The following RARA variants were observed in gnomAD, a reference collection of about 807,000 sequenced individuals.
RARA encodes the protein retinoic acid receptor alpha, also known as PML-DDX5-RARA fusion.
RARA carries 5 observed loss-of-function variants against 42.8 expected under a neutral mutation model. That is an observed-to-expected ratio of 0.12 (90% confidence interval 0.06 to 0.25). RARA has a LOEUF of 0.25. RARA is among the 10% of genes least tolerant of loss of function. The probability of loss-of-function intolerance (pLI) is 1.00; values close to 1 mark genes in which losing one functional copy is unlikely to be tolerated. For missense variants in RARA, 402 were observed against 628.7 expected, an observed-to-expected ratio of 0.64 and a Z score of 3.86; for synonymous variants, 256 against 259.5, an observed-to-expected ratio of 0.99 and a Z score of 0.13.
At chr17:40,349,738 C>G in intron 3 of RARA, 46 bp from the exon 4 acceptor site, 1 of 1,609,512 alleles carries the variant, frequency 6.2e-7, no homozygotes. Flanking sequence ...AGGCACTGCT[C>G]CCACTGTGGG....
chr17:40,356,607 T>G lies in RARA; in HGVS notation c.*381T>G. On this transcript the variant is annotated 3_prime_UTR_variant, in exon 9 of 9. Coordinates refer to ENST00000254066, the MANE Select transcript of RARA (RefSeq NM_000964.4). ...CCCATCCTCAGAACTCACAAGCCAT[T>G]GCTCCCCAGCTGGGGAACCTCAACC... 1.9e-6 allele frequency: 1 copy of G among 533,560 alleles called. No individual in the cohort carries two copies. Among genetic ancestry groups the G allele is most frequent in the Non-Finnish European group, 3.6e-6 (1 of 276,424 alleles). The allele number at this position is 533,560 out of a possible 1,614,324, so 33.1% of individuals were successfully genotyped here. A position where few individuals can be genotyped will look rare whatever the true frequency, so the allele number is the denominator to read the frequency against.
chr17:40,316,945 C>T (rs931832863), intron 1 of RARA, among the ~76,000 whole-genome samples: 1 of 152,200 alleles, frequency 6.6e-6, no homozygotes, highest in Admixed American at 6.5e-5. Flanking sequence ...GTTTCCCGTG[C>T]GCCGGCCCTC....
At chr17:40,329,409 C>T (rs959207405) in intron 1 of RARA, among the ~76,000 whole-genome samples, 3 of 152,108 alleles carry the variant, frequency 2.0e-5, no homozygotes, top group Non-Finnish European at 2.9e-5. Flanking sequence ...CTGGTTCAAG[C>T]GATTCTCCTG....
At chr17:40,338,737 C>T (rs188950161) in intron 2 of RARA, among the ~76,000 whole-genome samples, 1,612 of 147,312 alleles carry the variant, frequency 0.011, 34 homozygotes, top group African/African-American at 0.039. Context: ...AGCGTGGGCA[C>T]GGTGGCTCAT....
At chr17:40,334,703 C>T (rs1294323892) in intron 2 of RARA, among the ~76,000 whole-genome samples, 1 of 152,170 alleles carries the variant, frequency 6.6e-6, no homozygotes, top group African/African-American at 2.4e-5. Context: ...CTGCCCATAC[C>T]CTTTTTGTAG....
intron 2 of RARA, among the ~76,000 whole-genome samples, chr17:40,338,090 G>A (rs1287273023): frequency 6.6e-6 from 1 of 152,254 alleles, no homozygotes; most frequent in Non-Finnish European, 1.5e-5. Context: ...CAAGATCCCA[G>A]CATAGACGCG....
Position 40,355,303 on chromosome 17 carries a change from G to T in RARA, c.1053G>T (p.Leu351=), listed in dbSNP as rs753916674. The T allele has an allele frequency of 1.2e-6, 2 of 1,601,654 alleles. No individual in the cohort carries two copies. Among genetic ancestry groups the T allele is most frequent in the Non-Finnish European group, 8.5e-7 (1 of 1,173,954 alleles). ...AGCAGCCGGACCGGGTGGACATGCTGCAGGAGCCGCTGCTGGAGGCGCTAA... is the reference window on the plus strand; with the variant it reads ...AGCAGCCGGACCGGGTGGACATGCTTCAGGAGCCGCTGCTGGAGGCGCTAA... ...DLEQPDRVDM[L]QEPLLEALKV... The change falls in exon 8 of 9, where the codon CTG becomes CTT. Residue 351 remains leucine (L), a synonymous_variant. Transcript: ENST00000254066. This position sits in a 1 kb window ranked among gnomAD's most constrained non-coding sequence, Gnocchi z 4.1.
intron 1 of RARA, among the ~76,000 whole-genome samples, chr17:40,315,127 T>C (rs1199847494): frequency 1.3e-5 from 1 of 76,090 alleles, no homozygotes; most frequent in African/African-American, 9.6e-5. Context: ...TATATGCTTA[T>C]ATGTGTATAT....
At position 40,326,559 on chromosome 17, in the gene RARA, C is replaced by G. The variant is rs1410673445; in HGVS notation, c.-362-4298C>G. On this transcript the variant is annotated intron_variant, in intron 1 of 8. Coordinates refer to ENST00000254066, the MANE Select transcript of RARA (RefSeq NM_000964.4). The surrounding 1 kb of genome is among the most constrained non-coding windows in gnomAD (Gnocchi z 5.2). ...TCCTGGCACCTTCTGAGGGTGAGAG[C>G]GGCCCCAGTGGGCAGGAGTGTGGGG... 6.6e-6 allele frequency: 1 copy of G among 152,648 alleles called. No individual in the cohort carries two copies. Among genetic ancestry groups the G allele is most frequent in the South Asian group, 2.1e-4 (1 of 4,840 alleles). 9.5% of individuals were successfully genotyped at this position (152,648 alleles called of 1,614,324 possible).
chr17:40,357,512 GGGAGCTGGCTCT>G lies in RARA; in HGVS notation c.*1288_*1299del. 4.3e-6 allele frequency: 1 copy of G among 232,748 alleles called. No homozygotes were observed. The highest frequency in any genetic ancestry group is 8.5e-6 in the Non-Finnish European group (1 of 117,772). The allele number at this position is 232,748 out of a possible 1,614,324, so 14.4% of individuals were successfully genotyped here. On this transcript the variant is annotated 3_prime_UTR_variant, in exon 9 of 9. Transcript: ENST00000254066. The stretch of plus-strand genomic sequence containing the variant: ...CCCTCACCCCTGCACCCCCAGCTGG[GGGAGCTGGCTCT>G]GCCCCGACCTCCTTCACCAGGGGTT...
chr17:40,356,028 G>A lies in RARA; in HGVS notation c.1191G>A (p.Thr397=), dbSNP rs374319630. ...ISAKGAERVI[T]LKMEIPGSMP... is the part of the protein sequence containing the mutation. ...CTGCAGGGGCTGAGCGGGTGATCACGCTGAAGATGGAGATCCCGGGCTCCA... is the reference window on the plus strand; with the variant it reads ...CTGCAGGGGCTGAGCGGGTGATCACACTGAAGATGGAGATCCCGGGCTCCA... The change falls in exon 9 of 9, where the codon ACG becomes ACA. Residue 397 remains threonine (T), a synonymous_variant. Coordinates refer to ENST00000254066, the MANE Select transcript of RARA (RefSeq NM_000964.4). 1.2e-5 allele frequency: 19 copies of A among 1,603,786 alleles called. No homozygotes were observed. Among genetic ancestry groups the A allele is most frequent in the African/African-American group, 8.0e-5 (6 of 74,636 alleles).
chr17:40,334,475 C>T (rs1432624197), intron 2 of RARA, among the ~76,000 whole-genome samples: 1 of 152,230 alleles, frequency 6.6e-6, no homozygotes, highest in East Asian at 1.9e-4. Context: ...CATCTCCCTC[C>T]TTCTGCAGAG....
At position 40,354,812 on chromosome 17, in the gene RARA, G is replaced by C. The variant is rs1382219711; in HGVS notation, c.1012+306G>C. ...TGGGCCTCCGTTTCTGTACAGTGGG[G>C]GCGGTAACGGTCTCTAGCTCATGAA... On this transcript the variant is annotated intron_variant, in intron 7 of 8. Transcript: ENST00000254066. This position sits in a 1 kb window ranked among gnomAD's most constrained non-coding sequence, Gnocchi z 4.5. Among the ~76,000 whole-genome samples, 1 of 152,198 alleles carries C rather than the reference G, an allele frequency of 6.6e-6. No homozygotes were observed.
chr17:40,309,823 A>G (rs1333251299), intron 1 of RARA, among the ~76,000 whole-genome samples: 1 of 152,206 alleles, frequency 6.6e-6, no homozygotes, highest in Non-Finnish European at 1.5e-5. Flanking sequence ...GCTAGAGGGT[A>G]GTGGAGGTTG....
chr17:40,356,138 G>T lies in RARA; in HGVS notation c.1301G>T (p.Gly434Val), dbSNP rs553921530. The change falls in exon 9 of 9, where the codon GGG becomes GTG. Residue 434 changes from glycine to valine, a missense_variant. Physicochemically the swap from Gly to Val is moderately radical, Grantham distance 109 (BLOSUM62 -3). Transcript: ENST00000254066. ...SGQPGGGGRD[G>V]GGLAPPPGSC... ...CAGCCGGGGGGTGGGGGGCGGGACG[G>T]GGGTGGCCTGGCCCCCCCGCCAGGC... The T allele has an allele frequency of 1.3e-6, 2 of 1,554,240 alleles. No individual in the cohort carries two copies. Among genetic ancestry groups the T allele is most frequent in the Non-Finnish European group, 1.7e-6 (2 of 1,148,028 alleles).
intron 2 of RARA, among the ~76,000 whole-genome samples, chr17:40,332,743 C>T (rs1009281928): frequency 2.8e-4 from 43 of 152,248 alleles, no homozygotes; most frequent in African/African-American, 9.9e-4. Flanking sequence ...CAGGCAGGTG[C>T]TGCCTCAGTT....
At chr17:40,337,438 G>T (rs1308045699) in intron 2 of RARA, among the ~76,000 whole-genome samples, 1 of 152,224 alleles carries the variant, frequency 6.6e-6, no homozygotes. Context: ...GAGAAAGAAA[G>T]ATAAGGGGCC....
Position 40,351,868 on chromosome 17 carries a change from G to A in RARA, c.470-42G>A, listed in dbSNP as rs773072529. The A allele has an allele frequency of 6.3e-7, 1 of 1,584,388 alleles. No individual in the cohort carries two copies. The highest frequency in any genetic ancestry group is 1.2e-5 in the South Asian group (1 of 86,242). ...AGGCTGGGGGTGGACGAGGCCCTGAGCAGCCTGCAGCTGCCCTCTTAACCC... is the reference window on the plus strand; with the variant it reads ...AGGCTGGGGGTGGACGAGGCCCTGAACAGCCTGCAGCTGCCCTCTTAACCC... On this transcript the variant is annotated intron_variant, in intron 4 of 8. Transcript: ENST00000254066. The surrounding 1 kb of genome is among the most constrained non-coding windows in gnomAD (Gnocchi z 4.1).
At chr17:40,322,916 C>T (rs1217042584) in intron 1 of RARA, 2 of 152,102 alleles carry the variant, frequency 1.3e-5, no homozygotes, top group Non-Finnish European at 1.5e-5. Context: ...CATCACCCCC[C>T]CAACACTAAG....
Sources: allele counts gnomAD v4.1 joint callset (sites outside exome capture counted in the v4.1 genomes callset), GRCh38; gene constraint gnomAD v4.1.1; non-coding constraint Gnocchi (gnomAD v3.1); transcripts MANE v1.5; gene names NCBI Gene and HGNC (gene_info 2026-07-23, HGNC 2026-07-21).